The following PLCL2 variants were observed in gnomAD, a reference collection of about 807,000 sequenced individuals.
The protein encoded by PLCL2 is phospholipase C like 2.
In PLCL2, 4 loss-of-function variants were observed where a neutral mutation model predicts 79.6. That is an observed-to-expected ratio of 0.05 (90% CI 0.02 to 0.11). The LOEUF is 0.11. Among genes scored for constraint, PLCL2 ranks in the 10% least tolerant of loss-of-function variants. The pLI, the probability that PLCL2 is intolerant of heterozygous loss-of-function variation, is 1.00. For synonymous variants in PLCL2, 484 were observed against 457.7 expected, an observed-to-expected ratio of 1.06 and a Z score of -0.73; for missense variants, 895 against 1,291.0, an observed-to-expected ratio of 0.69 and a Z score of 4.70.
intron 1 of PLCL2, among the ~76,000 whole-genome samples, chr3:16,976,954 C>T (rs1250462164): frequency 6.6e-6 from 1 of 152,092 alleles, no homozygotes; most frequent in African/African-American, 2.4e-5. Flanking sequence ...CATGAAAACA[C>T]CTTAAGGATA....
chr3:16,958,483 T>A (rs1008388392), intron 1 of PLCL2, among the ~76,000 whole-genome samples: 3 of 152,162 alleles, frequency 2.0e-5, no homozygotes, highest in East Asian at 1.9e-4. Context: ...AGCAAAAAAA[T>A]TCCATCTGCT....
intron 1 of PLCL2, among the ~76,000 whole-genome samples, chr3:16,910,275 C>A (rs1011849735): frequency 6.6e-6 from 1 of 151,918 alleles, no homozygotes; most frequent in African/African-American, 2.4e-5. Context: ...TTTTTTAAAG[C>A]TGCTCCCTTC....
chr3:16,990,089 A>G (rs1189504553), intron 1 of PLCL2, among the ~76,000 whole-genome samples: 2 of 151,900 alleles, frequency 1.3e-5, no homozygotes, highest in Admixed American at 6.6e-5. Flanking sequence ...AAAATGCATT[A>G]TATAGGAGAG....
intron 1 of PLCL2, among the ~76,000 whole-genome samples, chr3:17,006,942 A>G (rs1429618937): frequency 6.6e-6 from 1 of 152,072 alleles, no homozygotes; most frequent in Non-Finnish European, 1.5e-5. Context: ...TAGAAAGTGT[A>G]ACAGAATATT....
At chr3:17,083,350 C>T (rs1262483963) in intron 5 of PLCL2, among the ~76,000 whole-genome samples, 26 of 152,122 alleles carry the variant, frequency 1.7e-4, no homozygotes, top group Non-Finnish European at 2.9e-5. Flanking sequence ...AGTGCATAGA[C>T]ATTGAGGTTG....
chr3:16,918,041 C>T (rs1231124700), intron 1 of PLCL2, among the ~76,000 whole-genome samples: 1 of 152,036 alleles, frequency 6.6e-6, no homozygotes, highest in East Asian at 1.9e-4. Flanking sequence ...CGTGAATATC[C>T]CCCTTTTTAC....
chr3:16,957,155 T>C (rs1453945613), intron 1 of PLCL2, among the ~76,000 whole-genome samples: 1 of 152,196 alleles, frequency 6.6e-6, no homozygotes, highest in Non-Finnish European at 1.5e-5. Flanking sequence ...TGCTTTCTCT[T>C]GTGGGCATTT....
chr3:17,021,979 C>A (rs1209302202), intron 3 of PLCL2, among the ~76,000 whole-genome samples: 2 of 152,076 alleles, frequency 1.3e-5, no homozygotes, highest in East Asian at 3.9e-4. Context: ...CACTTCAGTT[C>A]CTGGGTAGAT....
rs1168964166 is a variant in PLCL2 at position 17,090,448 on chromosome 3, A to T, written c.*536A>T. On this transcript the variant is annotated 3_prime_UTR_variant, in exon 6 of 6. Coordinates refer to ENST00000615277, the MANE Select transcript of PLCL2 (RefSeq NM_001144382.2). ...GGAGAGCCATCGAGGAGAATGTGCAATTGGACTGAAGCTCCCTGGCTGAAG... is the reference window on the plus strand; with the variant it reads ...GGAGAGCCATCGAGGAGAATGTGCATTTGGACTGAAGCTCCCTGGCTGAAG... 1 of 165,956 alleles carries T rather than the reference A, an allele frequency of 6.0e-6. No homozygotes were observed. The highest frequency in any genetic ancestry group is 1.2e-5 in the Non-Finnish European group (1 of 80,262). 10.3% of individuals were successfully genotyped at this position (165,956 alleles called of 1,614,324 possible). A position where few individuals can be genotyped will look rare whatever the true frequency, so the allele number is the denominator to read the frequency against.
At chr3:17,059,714 G>T (rs1036626554) in intron 4 of PLCL2, among the ~76,000 whole-genome samples, 1 of 152,056 alleles carries the variant, frequency 6.6e-6, no homozygotes, top group African/African-American at 2.4e-5. Context: ...TACCTAAGAA[G>T]GAATAACAGT....
At chr3:16,982,360 G>C (rs1227718065) in intron 1 of PLCL2, among the ~76,000 whole-genome samples, 1 of 152,228 alleles carries the variant, frequency 6.6e-6, no homozygotes, top group Non-Finnish European at 1.5e-5. Context: ...CTGAGCCACA[G>C]TGTTCAAGTG....
Position 17,090,301 on chromosome 3 carries a change from T to C in PLCL2, c.*389T>C. Reference sequence around the variant, plus strand: ...TGGAGAAAAAAACCTGATCTACACATTTTTACTTATATGGGGTTGCCAGAG... The same window carrying C: ...TGGAGAAAAAAACCTGATCTACACACTTTTACTTATATGGGGTTGCCAGAG... On this transcript the variant is annotated 3_prime_UTR_variant, in exon 6 of 6. Transcript: ENST00000615277. 2.1e-6 allele frequency: 2 copies of C among 962,220 alleles called. No individual in the cohort carries two copies. The highest frequency in any genetic ancestry group is 2.5e-6 in the Non-Finnish European group (2 of 808,148). 59.6% of individuals were successfully genotyped at this position (962,220 alleles called of 1,614,324 possible). A position where few individuals can be genotyped will look rare whatever the true frequency, so the allele number is the denominator to read the frequency against.
chr3:17,015,032 A>T, intron 3 of PLCL2, 121 bp downstream of exon 3: 5 of 729,190 alleles, frequency 6.9e-6, no homozygotes, highest in Non-Finnish European at 1.2e-5. Flanking sequence ...TCATTCACCT[A>T]TGCTGGAGAA....
chr3:17,079,239 C>A (rs542847095), intron 5 of PLCL2, among the ~76,000 whole-genome samples: 1 of 152,164 alleles, frequency 6.6e-6, no homozygotes, highest in Non-Finnish European at 1.5e-5. Context: ...CCACCCTCCC[C>A]TCCCCTCTGG....
chr3:16,894,588 AC>A (rs1343056019), intron 1 of PLCL2, among the ~76,000 whole-genome samples: 3 of 152,214 alleles, frequency 2.0e-5, no homozygotes, highest in African/African-American at 7.2e-5. Flanking sequence ...CTAAATGCAC[AC>A]ATTTGGTATT....
chr3:16,956,242 C>T (rs1251775536), intron 1 of PLCL2, among the ~76,000 whole-genome samples: 11 of 152,004 alleles, frequency 7.2e-5, no homozygotes, highest in East Asian at 1.9e-4. Flanking sequence ...GCATGAAGGG[C>T]TGTTGAATTT....
chr3:17,070,578 T>C (rs906637557), intron 5 of PLCL2, among the ~76,000 whole-genome samples: 6 of 152,160 alleles, frequency 3.9e-5, no homozygotes, highest in African/African-American at 1.2e-4. Context: ...GAAAGATCTG[T>C]GTGTCATTTC....
intron 1 of PLCL2, among the ~76,000 whole-genome samples, chr3:16,951,985 G>T (rs994267491): frequency 6.6e-6 from 1 of 151,992 alleles, no homozygotes; most frequent in Non-Finnish European, 1.5e-5. Context: ...CCTGGTGCCT[G>T]CTATGGCCTG....
intron 1 of PLCL2, among the ~76,000 whole-genome samples, chr3:16,999,390 G>A (rs975567485): frequency 2.0e-5 from 3 of 152,064 alleles, no homozygotes; most frequent in African/African-American, 7.2e-5. Flanking sequence ...CATTTATGAT[G>A]GTATTTGTCT....
Sources: allele counts gnomAD v4.1 joint callset (sites outside exome capture counted in the v4.1 genomes callset), GRCh38; gene constraint gnomAD v4.1.1; transcripts MANE v1.5; gene names NCBI Gene and HGNC (gene_info 2026-07-23, HGNC 2026-07-21).